MOGAT2: variants seen among roughly 807,000 people sequenced by gnomAD.
The protein encoded by MOGAT2 is monoacylglycerol O-acyltransferase 2.
MOGAT2 carries 27 observed loss-of-function variants against 31.5 expected under a neutral mutation model. The ratio of observed to expected loss-of-function variants is 0.86; its 90% CI spans 0.63 to 1.18. The LOEUF (loss-of-function observed/expected upper bound fraction) is 1.18, where lower values mean the gene tolerates loss of function less well. Among genes scored for constraint, MOGAT2 ranks in the 50% most tolerant of loss-of-function variants. The pLI, the probability that MOGAT2 is intolerant of heterozygous loss-of-function variation, is 0.00. For missense variants in MOGAT2, 436 were observed against 433.2 expected, an observed-to-expected ratio of 1.01 and a Z score of -0.06; for synonymous variants, 163 against 170.0, an observed-to-expected ratio of 0.96 and a Z score of 0.32.
chr11:75,731,374 C>A lies in MOGAT2; in HGVS notation c.*88C>A. The A allele has an allele frequency of 6.9e-7, 1 of 1,446,332 alleles. No homozygotes were observed. Among genetic ancestry groups the A allele is most frequent in the South Asian group, 1.3e-5 (1 of 77,144 alleles). 89.6% of individuals were successfully genotyped at this position (1,446,332 alleles called of 1,614,324 possible). Reference sequence around the variant, plus strand: ...TGGAGGTGTTTGTTGAACATATCTGCAGAGCCTTCCCAGACTCCTGCAAAT... The same window carrying A: ...TGGAGGTGTTTGTTGAACATATCTGAAGAGCCTTCCCAGACTCCTGCAAAT... On this transcript the variant is annotated 3_prime_UTR_variant, in exon 6 of 6. Transcript: ENST00000198801.
At chr11:75,728,262 A>G (rs540359305) in intron 4 of MOGAT2, 118 bp downstream of exon 4, 1 of 1,213,364 alleles carries the variant, frequency 8.2e-7, no homozygotes, top group African/African-American at 1.5e-5. Context: ...TTTTCAGTCC[A>G]TTCACAATTA....
chr11:75,732,537 C>G lies in MOGAT2; in HGVS notation c.*1251C>G, dbSNP rs1163053934. ...TGCCACTCTCCAGCATCTGGCCCAG[C>G]CTGTCCATCCTCATCTCTCTTCCTC... On this transcript the variant is annotated 3_prime_UTR_variant, in exon 6 of 6. Transcript: ENST00000198801. 6.6e-6 allele frequency: 1 copy of G among 152,400 alleles called. No individual in the cohort carries two copies. The highest frequency in any genetic ancestry group is 1.5e-5 in the Non-Finnish European group (1 of 68,184). The allele number at this position is 152,400 out of a possible 1,614,324, so 9.4% of individuals were successfully genotyped here. A position where few individuals can be genotyped will look rare whatever the true frequency, so the allele number is the denominator to read the frequency against.
chr11:75,729,564 C>T (rs183947629), intron 5 of MOGAT2, among the ~76,000 whole-genome samples: 309 of 152,154 alleles, frequency 2.0e-3, no homozygotes, highest in African/African-American at 7.2e-3. Flanking sequence ...CATGAGCCAC[C>T]GCGCCTGGCC....
chr11:75,723,740 C>T (rs1252183060), intron 2 of MOGAT2, among the ~76,000 whole-genome samples: 2 of 152,148 alleles, frequency 1.3e-5, no homozygotes, highest in Admixed American at 1.3e-4. Flanking sequence ...TAAACGGATG[C>T]ATTTTATGGT....
intron 1 of MOGAT2, 78 bp downstream of exon 1, chr11:75,718,057 A>C: frequency 7.4e-7 from 1 of 1,351,562 alleles, no homozygotes; most frequent in Non-Finnish European, 1.1e-6. Flanking sequence ...TGCACACAGC[A>C]CATTGATGGT....
At chr11:75,727,346 G>A (rs564914979) in intron 2 of MOGAT2, 89 bp from the exon 3 acceptor site, 3 of 1,253,934 alleles carry the variant, frequency 2.4e-6, no homozygotes, top group East Asian at 2.4e-5. Context: ...GGCTCAGAGG[G>A]GAGGTTTCCC....
chr11:75,730,813 G>T (rs1451578603), intron 5 of MOGAT2, among the ~76,000 whole-genome samples: 1 of 151,272 alleles, frequency 6.6e-6, no homozygotes, highest in Non-Finnish European at 1.5e-5. Flanking sequence ...GAAGGCTGAG[G>T]CAGGAGAATT....
chr11:75,728,150 A>T lies in MOGAT2; in HGVS notation c.650+6A>T, dbSNP rs1294532115. 1 of 1,611,988 alleles carries T rather than the reference A, an allele frequency of 6.2e-7. No individual in the cohort carries two copies. Among genetic ancestry groups the T allele is most frequent in the East Asian group, 2.2e-5 (1 of 44,842 alleles). ...AGGCTCGCCCTGACACACGGGTATC[A>T]AGCCTCTGGGAAGAGCACTCTGGGT... On this transcript the variant is annotated splice_donor_region_variant and intron_variant, in intron 4 of 5. Transcript: ENST00000198801.
chr11:75,727,278 C>A (rs1170697969), intron 2 of MOGAT2, among the ~76,000 whole-genome samples, 157 bp from the exon 3 acceptor site: 1 of 152,158 alleles, frequency 6.6e-6, no homozygotes, highest in Admixed American at 6.5e-5. Flanking sequence ...CTGTCACATA[C>A]CATATCTGAA....
chr11:75,727,525 C>G lies in MOGAT2; in HGVS notation c.361C>G (p.Leu121Val). Reference protein sequence around the residue: ...GVLAVGAFANLCTESTGFSSI... With the variant: ...GVLAVGAFANVCTESTGFSSI... ...CCTGGCAGTCGGAGCCTTTGCCAAC[C>G]TGTGCACTGAGAGCACAGGCTTCTC... The change falls in exon 3 of 6, where the codon CTG (leucine) becomes GTG (valine). Residue 121 changes from leucine to valine, a missense_variant. By Grantham distance (32) the Leu-to-Val change is conservative. Coordinates refer to ENST00000198801, the MANE Select transcript of MOGAT2 (RefSeq NM_025098.4). 6.2e-7 allele frequency: 1 copy of G among 1,614,196 alleles called. No homozygotes were observed. The highest frequency in any genetic ancestry group is 8.5e-7 in the Non-Finnish European group (1 of 1,180,024).
chr11:75,721,713 T>C (rs1043713020), intron 2 of MOGAT2, among the ~76,000 whole-genome samples: 1 of 152,120 alleles, frequency 6.6e-6, no homozygotes, highest in African/African-American at 2.4e-5. Flanking sequence ...TGCTCTGACC[T>C]CCACACCTAC....
At chr11:75,724,907 GC>G (rs1204422161) in intron 2 of MOGAT2, among the ~76,000 whole-genome samples, 1 of 152,186 alleles carries the variant, frequency 6.6e-6, no homozygotes, top group Non-Finnish European at 1.5e-5. Flanking sequence ...GACAGAAAAA[GC>G]TGCTGTACTT....
chr11:75,721,626 T>A lies in MOGAT2; in HGVS notation c.270+1456T>A, dbSNP rs899902996. 5.3e-5 allele frequency among the ~76,000 whole-genome samples: 8 copies of A among 152,270 alleles called. No homozygotes were observed. In the South Asian group the frequency reaches 1.7e-3, roughly 32 times the overall value. The stretch of plus-strand genomic sequence containing the variant: ...AGTAAACAGGTAGCTAGTATTATTT[T>A]ACCTCGGCAGTGGGACTCTGAGGAA... On this transcript the variant is annotated intron_variant, in intron 2 of 5. Transcript: ENST00000198801.
rs750980037 is a variant in MOGAT2 at position 75,728,105 on chromosome 11, G to A, written c.611G>A (p.Arg204Gln). 1.7e-5 allele frequency: 28 copies of A among 1,613,894 alleles called. No homozygotes were observed. Among genetic ancestry groups the A allele is most frequent in the South Asian group, 8.8e-5 (8 of 91,070 alleles). ...CCTGGATCCTTCACGCTGTTACTGC[G>A]GAACCGAAAGGGCTTCGTCAGGCTC... ...ARPGSFTLLL[R>Q]NRKGFVRLAL... The change falls in exon 4 of 6, where the codon CGG (arginine) becomes CAG (glutamine). Residue 204 changes from arginine (R) to glutamine (Q), a missense_variant. Transcript: ENST00000198801.
At chr11:75,727,709 A>G in intron 3 of MOGAT2, 70 bp downstream of exon 3, 1 of 1,452,860 alleles carries the variant, frequency 6.9e-7, no homozygotes, top group Non-Finnish European at 9.5e-7. Flanking sequence ...ATAGTTCTGT[A>G]CTTCTTCCAA....
chr11:75,723,327 A>C (rs1944393675), intron 2 of MOGAT2, among the ~76,000 whole-genome samples: 1 of 151,964 alleles, frequency 6.6e-6, no homozygotes, highest in African/African-American at 2.4e-5. Context: ...CCATCTGCCG[A>C]GGGTGACAAT....
At chr11:75,718,014 C>T (rs746526707) in intron 1 of MOGAT2, 35 bp downstream of exon 1, 23 of 1,599,994 alleles carry the variant, frequency 1.4e-5, no homozygotes, top group Admixed American at 1.3e-4. Flanking sequence ...GGGAGACCAC[C>T]GCACTCAGGT....
intron 4 of MOGAT2, 90 bp from the exon 5 acceptor site, chr11:75,728,700 C>A: frequency 8.7e-7 from 1 of 1,146,982 alleles, no homozygotes; most frequent in Non-Finnish European, 1.3e-6. Flanking sequence ...ATTTCTTGGT[C>A]ACTGAGTCCC....
chr11:75,727,564 G>A lies in MOGAT2; in HGVS notation c.400G>A (p.Gly134Ser), dbSNP rs554688921. Residue 134 changes from glycine (G) to serine (S), a missense_variant, in exon 3 of 6, where the codon GGT becomes AGT. By Grantham distance (56) the Gly-to-Ser change is moderately conservative. Transcript: ENST00000198801. Reference protein sequence around the residue: ...ESTGFSSIFPGIRPHLMMLTL... With the variant: ...ESTGFSSIFPSIRPHLMMLTL... Reference sequence around the variant, plus strand: ...CACAGGCTTCTCTTCGATCTTCCCCGGTATCCGCCCCCATCTGATGATGCT... The same window carrying A: ...CACAGGCTTCTCTTCGATCTTCCCCAGTATCCGCCCCCATCTGATGATGCT... The A allele has an allele frequency of 2.4e-5, 39 of 1,614,146 alleles. No individual in the cohort carries two copies. The highest frequency in any genetic ancestry group is 2.6e-5 in the Non-Finnish European group (31 of 1,180,022).
Sources: allele counts gnomAD v4.1 joint callset (sites outside exome capture counted in the v4.1 genomes callset), GRCh38; gene constraint gnomAD v4.1.1; transcripts MANE v1.5; gene names NCBI Gene and HGNC (gene_info 2026-07-23, HGNC 2026-07-21).